The following CFAP299 variants were observed in gnomAD, a reference collection of about 807,000 sequenced individuals.
The protein encoded by CFAP299 is cilia- and flagella-associated protein 299.
CFAP299 carries 21 observed loss-of-function variants against 27.0 expected under a neutral mutation model. That is an observed-to-expected ratio of 0.78 (90% CI 0.55 to 1.12). The LOEUF (loss-of-function observed/expected upper bound fraction) is 1.12, where lower values mean the gene tolerates loss of function less well. Among genes scored for constraint, CFAP299 ranks in the 50% most tolerant of loss-of-function variants. CFAP299 has a pLI of 0.00. For synonymous variants in CFAP299, 104 were observed against 98.1 expected (o/e 1.06, Z -0.36); for missense variants, 310 against 276.6 (o/e 1.12, Z -0.86).
intron 4 of CFAP299, among the ~76,000 whole-genome samples, chr4:80,931,452 A>G (rs62302224): frequency 0.26 from 39,248 of 152,000 alleles, 6,347 homozygotes; most frequent in Admixed American, 0.36. Context: ...CAAAATTGAC[A>G]TGAACGATGT....
At chr4:80,937,298 C>CTTTTT (rs1203322592) in intron 4 of CFAP299, among the ~76,000 whole-genome samples, 19 of 94,350 alleles carry the variant, frequency 2.0e-4, no homozygotes, top group South Asian at 7.5e-4. Flanking sequence ...TTTCTTTTTT[C>CTTTTT]TTTTTTTTTC....
intron 1 of CFAP299, among the ~76,000 whole-genome samples, chr4:80,349,832 A>G (rs868727042): frequency 6.6e-6 from 1 of 152,210 alleles, no homozygotes; most frequent in Non-Finnish European, 1.5e-5. Flanking sequence ...CATGATAAAA[A>G]TGGTTGCTAC....
At chr4:80,746,765 G>A (rs886324631) in intron 3 of CFAP299, among the ~76,000 whole-genome samples, 1 of 151,926 alleles carries the variant, frequency 6.6e-6, no homozygotes, top group Non-Finnish European at 1.5e-5. Context: ...CTATTTAAAA[G>A]GATAGTGAAA....
In CFAP299 at chr4:80,386,348, G is replaced by C. The variant is rs569207121; in HGVS notation, c.242+23464G>C. On this transcript the variant is annotated intron_variant, in intron 2 of 5. Transcript: ENST00000358105. ...CACCCACGACGATGGAAAGCTCCGC[G>C]TTCAGCTCTGCGAAGGGCGGCTTGC... is the stretch of plus-strand genomic sequence containing the variant. 1.0e-4 allele frequency: 142 copies of C among 1,405,762 alleles called. 2 individuals are homozygous for C. The South Asian group carries it at 1.4e-3, about 14-fold the overall frequency. 87.1% of individuals were successfully genotyped at this position (1,405,762 alleles called of 1,614,324 possible). A position where few individuals can be genotyped will look rare whatever the true frequency, so the allele number is the denominator to read the frequency against.
intron 4 of CFAP299, chr4:80,870,613 C>A: frequency 1.0e-6 from 1 of 986,014 alleles, no homozygotes; most frequent in Non-Finnish European, 1.2e-6. Flanking sequence ...CCAATGCTTG[C>A]CTTTTATTCT....
At chr4:80,437,202 T>C (rs1357657032) in intron 2 of CFAP299, among the ~76,000 whole-genome samples, 2 of 152,202 alleles carry the variant, frequency 1.3e-5, no homozygotes, top group African/African-American at 4.8e-5. Context: ...AAGGTGTTAT[T>C]TGATATTGTA....
chr4:80,575,704 A>G (rs1381262542), intron 2 of CFAP299, among the ~76,000 whole-genome samples: 1 of 151,740 alleles, frequency 6.6e-6, no homozygotes, highest in East Asian at 1.9e-4. Context: ...TTGCTTTTAT[A>G]GTTTTTAAAG....
At chr4:80,584,600 T>C (rs1736338975) in intron 3 of CFAP299, among the ~76,000 whole-genome samples, 1 of 152,092 alleles carries the variant, frequency 6.6e-6, no homozygotes, top group South Asian at 2.1e-4. Flanking sequence ...TTTTCTACTT[T>C]CTTCTGACTT....
chr4:80,544,650 C>A (rs546689577), intron 2 of CFAP299, among the ~76,000 whole-genome samples: 1 of 152,220 alleles, frequency 6.6e-6, no homozygotes, highest in South Asian at 2.1e-4. Context: ...GGGCTCAATC[C>A]AACAGGAAGA....
intron 2 of CFAP299, among the ~76,000 whole-genome samples, chr4:80,508,295 A>G (rs1424649904): frequency 1.3e-5 from 2 of 152,158 alleles, no homozygotes; most frequent in Non-Finnish European, 2.9e-5. Flanking sequence ...AAATTGTGCT[A>G]TACAGAATTA....
At chr4:80,841,217 T>C (rs1163311767) in intron 3 of CFAP299, among the ~76,000 whole-genome samples, 1 of 152,152 alleles carries the variant, frequency 6.6e-6, no homozygotes, top group East Asian at 1.9e-4. Context: ...CAGGGCATCA[T>C]CGTTCACTGA....
At chr4:80,719,231 C>A (rs965932682) in intron 3 of CFAP299, among the ~76,000 whole-genome samples, 7 of 152,158 alleles carry the variant, frequency 4.6e-5, no homozygotes, top group South Asian at 2.1e-4. Flanking sequence ...GTACAAAAAA[C>A]CCCCATGACA....
intron 3 of CFAP299, among the ~76,000 whole-genome samples, chr4:80,865,170 G>A (rs1489147988): frequency 6.6e-6 from 1 of 152,104 alleles, no homozygotes; most frequent in Non-Finnish European, 1.5e-5. Flanking sequence ...TAAAATGTTT[G>A]AAACAATTAA....
At chr4:80,931,893 T>C (rs1253966954) in intron 4 of CFAP299, among the ~76,000 whole-genome samples, 1 of 152,184 alleles carries the variant, frequency 6.6e-6, no homozygotes, top group Non-Finnish European at 1.5e-5. Flanking sequence ...TCTTTGTGGC[T>C]GCTTTTTCAA....
intron 2 of CFAP299, among the ~76,000 whole-genome samples, chr4:80,379,507 C>G (rs1724588313): frequency 6.6e-6 from 1 of 151,698 alleles, no homozygotes; most frequent in Non-Finnish European, 1.5e-5. Context: ...TTAAACTATT[C>G]TTCTGCTATA....
chr4:80,588,713 CA>C (rs1354984781), intron 3 of CFAP299, among the ~76,000 whole-genome samples: 1 of 143,916 alleles, frequency 6.9e-6, no homozygotes, highest in Non-Finnish European at 1.5e-5. Context: ...AGAATCAAGA[CA>C]GCCAATTATA....
chr4:80,749,614 G>C (rs536417376), intron 3 of CFAP299, among the ~76,000 whole-genome samples: 1 of 152,328 alleles, frequency 6.6e-6, no homozygotes, highest in South Asian at 2.1e-4. Context: ...AAAGTGCCAA[G>C]AGCCACTGGC....
At chr4:80,753,516 G>T (rs1725056571) in intron 3 of CFAP299, among the ~76,000 whole-genome samples, 2 of 152,038 alleles carry the variant, frequency 1.3e-5, no homozygotes, top group African/African-American at 4.8e-5. Flanking sequence ...GAGTTTCTTT[G>T]TGATTTAGTG....
chr4:80,453,529 C>G (rs930004619), intron 2 of CFAP299, among the ~76,000 whole-genome samples: 2 of 151,988 alleles, frequency 1.3e-5, no homozygotes, highest in African/African-American at 2.4e-5. Flanking sequence ...TATACCCATT[C>G]TTCAAATTAT....
Sources: allele counts gnomAD v4.1 joint callset (sites outside exome capture counted in the v4.1 genomes callset), GRCh38; gene constraint gnomAD v4.1.1; transcripts MANE v1.5; gene names NCBI Gene and HGNC (gene_info 2026-07-23, HGNC 2026-07-21).